RTN3: variants seen among roughly 807,000 people sequenced by gnomAD.
RTN3 encodes the protein reticulon 3, also known as reticulon-3.
Under a neutral mutation model 77.8 loss-of-function variants are expected in RTN3, and 49 were observed. That is an observed-to-expected ratio of 0.63 (90% CI 0.50 to 0.80). The LOEUF is 0.80. RTN3 is among the 30% of genes least tolerant of loss of function. The pLI, the probability that RTN3 is intolerant of heterozygous loss-of-function variation, is 0.00. For missense variants in RTN3, 1,236 were observed against 1,211.9 expected, an observed-to-expected ratio of 1.02 and a Z score of -0.29; for synonymous variants, 464 against 446.9, an observed-to-expected ratio of 1.04 and a Z score of -0.48.
At chr11:63,706,071 A>G (rs1245777175) in intron 2 of RTN3, among the ~76,000 whole-genome samples, 1 of 152,252 alleles carries the variant, frequency 6.6e-6, no homozygotes, top group African/African-American at 2.4e-5. Context: ...CTCTAGCTGC[A>G]AAAGACTTTT....
chr11:63,740,448 A>ATTTTTTT (rs34045543), intron 3 of RTN3, among the ~76,000 whole-genome samples: 8 of 120,752 alleles, frequency 6.6e-5, no homozygotes, highest in East Asian at 2.3e-4. Flanking sequence ...TGCCTGGCTA[A>ATTTTTTT]TTTTTTTTTT....
chr11:63,692,761 A>C (rs1033132761), intron 1 of RTN3, among the ~76,000 whole-genome samples: 4 of 144,604 alleles, frequency 2.8e-5, no homozygotes, highest in African/African-American at 7.6e-5. Context: ...ACTCCGTCTC[A>C]AAAAAAAAAA....
At position 63,719,297 on chromosome 11, in the gene RTN3, T is replaced by C. The variant is rs779589201; in HGVS notation, c.795T>C (p.Tyr265=). The part of the protein sequence containing the change: ...AAFDKEFKDS[Y]KESTDDFGSW... The stretch of plus-strand genomic sequence containing the variant: ...TTGACAAAGAATTTAAAGACTCATA[T>C]AAGGAGAGCACAGATGATTTTGGTA... The change falls in exon 3 of 9, where the codon TAT becomes TAC. Residue 265 remains tyrosine (Y), a synonymous_variant. Coordinates refer to ENST00000377819, the MANE Select transcript of RTN3 (RefSeq NM_001265589.2). 119 of 1,614,064 alleles carry C rather than the reference T, an allele frequency of 7.4e-5. 1 individual carries two copies. The highest frequency in any genetic ancestry group is 2.5e-6 in the Non-Finnish European group (3 of 1,180,036).
At chr11:63,735,550 T>TTCTCTCTCTCTCTCCCTCTCTCTCTCTC (rs2013036497) in intron 3 of RTN3, among the ~76,000 whole-genome samples, 1 of 42,686 alleles carries the variant, frequency 2.3e-5, no homozygotes, top group Admixed American at 3.7e-4. Context: ...ATTCTAACAT[T>TTCTCTCTCTCTCTCCCTCTCTCTCTCTC]TCTCTCTCTC....
intron 4 of RTN3, 70 bp from the exon 5 acceptor site, chr11:63,752,437 T>C (rs2014155176): frequency 6.8e-7 from 1 of 1,467,742 alleles, no homozygotes; most frequent in African/African-American, 1.4e-5. Context: ...TTTTACATTC[T>C]CAGTAACTAC....
intron 3 of RTN3, among the ~76,000 whole-genome samples, chr11:63,745,599 T>C (rs1447444000): frequency 4.6e-5 from 7 of 152,206 alleles, no homozygotes; most frequent in African/African-American, 1.4e-4. Flanking sequence ...TTCTCTTTAG[T>C]CACTATGTCC....
chr11:63,730,005 C>T (rs2012578480), intron 3 of RTN3, among the ~76,000 whole-genome samples: 1 of 152,022 alleles, frequency 6.6e-6, no homozygotes, highest in Non-Finnish European at 1.5e-5. Context: ...CTCACTCTGT[C>T]ACCCAGGCTG....
At chr11:63,700,553 G>A (rs1290697152) in intron 1 of RTN3, among the ~76,000 whole-genome samples, 1 of 150,964 alleles carries the variant, frequency 6.6e-6, no homozygotes, top group Non-Finnish European at 1.5e-5. Context: ...CAAAGTGTGG[G>A]GATTACAGGC....
intron 1 of RTN3, among the ~76,000 whole-genome samples, chr11:63,686,519 C>T (rs1941384681): frequency 6.7e-6 from 1 of 149,500 alleles, no homozygotes; most frequent in Non-Finnish European, 1.5e-5. Flanking sequence ...CTAGAGACTG[C>T]TTTTTATTGT....
intron 1 of RTN3, among the ~76,000 whole-genome samples, chr11:63,692,417 C>A (rs1245220865): frequency 2.6e-5 from 4 of 152,018 alleles, no homozygotes; most frequent in African/African-American, 9.7e-5. Context: ...GCAGTAGACT[C>A]AATGTTTATG....
chr11:63,742,393 C>A (rs530449933), intron 3 of RTN3, among the ~76,000 whole-genome samples: 86 of 151,940 alleles, frequency 5.7e-4, no homozygotes, highest in African/African-American at 2.0e-3. Flanking sequence ...TGCCTGTAAT[C>A]CCAGCACTTT....
At chr11:63,718,361 A>G (rs2011519723) in intron 2 of RTN3, among the ~76,000 whole-genome samples, 1 of 152,222 alleles carries the variant, frequency 6.6e-6, no homozygotes, top group Admixed American at 6.5e-5. Flanking sequence ...AGCTCTATCA[A>G]AGAATAAAAA....
At chr11:63,723,646 C>G (rs2011990942) in intron 3 of RTN3, among the ~76,000 whole-genome samples, 1 of 152,010 alleles carries the variant, frequency 6.6e-6, no homozygotes, top group African/African-American at 2.4e-5. Context: ...GCTGGTCTCT[C>G]AAACTCCTGG....
intron 3 of RTN3, among the ~76,000 whole-genome samples, chr11:63,730,105 T>C (rs1214097452): frequency 1.3e-5 from 2 of 152,104 alleles, no homozygotes; most frequent in Non-Finnish European, 2.9e-5. Context: ...TAGCTGGGAT[T>C]ACAGGCACTC....
chr11:63,722,020 C>G (rs1458099093), intron 3 of RTN3, among the ~76,000 whole-genome samples: 1 of 152,088 alleles, frequency 6.6e-6, no homozygotes, highest in Admixed American at 6.6e-5. Context: ...TGTCTTTTAT[C>G]TATTTCAAAT....
At position 63,719,453 on chromosome 11, in the gene RTN3, C is replaced by T; in HGVS notation, c.951C>T (p.His317=). The T allele has an allele frequency of 6.2e-7, 1 of 1,614,100 alleles. No individual in the cohort carries two copies. Among genetic ancestry groups the T allele is most frequent in the Non-Finnish European group, 8.5e-7 (1 of 1,180,002 alleles). ...CATTGCTCAGTAGGCAGTTTTCACACACAAATGCAGCACTGGAAGAGGTGT... is the reference window on the plus strand; with the variant it reads ...CATTGCTCAGTAGGCAGTTTTCACATACAAATGCAGCACTGGAAGAGGTGT... ...MSALLSRQFS[H]TNAALEEVSR... is the part of the protein sequence containing the mutation. The change falls in exon 3 of 9, where the codon CAC becomes CAT. Residue 317 remains histidine, a synonymous_variant. Coordinates refer to ENST00000377819, the MANE Select transcript of RTN3 (RefSeq NM_001265589.2).
intron 5 of RTN3, 88 bp downstream of exon 5, chr11:63,752,733 A>G: frequency 1.4e-6 from 2 of 1,400,294 alleles, no homozygotes; most frequent in South Asian, 1.2e-5. Context: ...ATAGGATTTT[A>G]TCAGACAAAA....
At chr11:63,697,068 T>C (rs758240230) in intron 1 of RTN3, among the ~76,000 whole-genome samples, 3 of 150,916 alleles carry the variant, frequency 2.0e-5, no homozygotes, top group Non-Finnish European at 4.4e-5. Flanking sequence ...GTATTTTTAG[T>C]AGAGATGGGG....
chr11:63,683,972 T>TTTTTTTTTTTTTTTTA (rs1375625604), intron 1 of RTN3, among the ~76,000 whole-genome samples: 5 of 136,052 alleles, frequency 3.7e-5, no homozygotes, highest in Non-Finnish European at 8.0e-5. Flanking sequence ...TTTTTTTTTT[T>TTTTTTTTTTTTTTTTA]AGACAAGGTC....
Sources: gnomAD v4.1 joint callset for allele counts (sites outside exome capture counted in the v4.1 genomes callset) on GRCh38, gnomAD v4.1.1 for gene constraint, MANE v1.5 for transcripts, NCBI Gene and HGNC (gene_info 2026-07-23, HGNC 2026-07-21) for gene names.